Variants in SLC24A4 observed in about 807,000 individuals in gnomAD.
SLC24A4 encodes the protein sodium/potassium/calcium exchanger 4.
A neutral mutation model predicts 79.0 loss-of-function variants in SLC24A4; 53 were observed. The observed-to-expected ratio is 0.67, with a 90% confidence interval of 0.54 to 0.84. The LOEUF is 0.84. Ranked by LOEUF, SLC24A4 falls within the 40% of genes least tolerant of loss-of-function variation. The pLI, the probability that SLC24A4 is intolerant of heterozygous loss-of-function variation, is 0.00. For missense variants in SLC24A4, 731 were observed against 822.0 expected, an observed-to-expected ratio of 0.89 and a Z score of 1.35; for synonymous variants, 323 against 323.8, an observed-to-expected ratio of 1.00 and a Z score of 0.03.
chr14:92,352,763 T>G (rs994029122), intron 2 of SLC24A4, among the ~76,000 whole-genome samples: 1 of 152,134 alleles, frequency 6.6e-6, no homozygotes, highest in African/African-American at 2.4e-5. Context: ...TAGAGCAAGT[T>G]AGAGTTGCAG....
intron 2 of SLC24A4, among the ~76,000 whole-genome samples, chr14:92,395,305 C>T (rs564882267): frequency 1.3e-5 from 2 of 152,186 alleles, no homozygotes; most frequent in South Asian, 2.1e-4. Flanking sequence ...AGCCCCGTTG[C>T]CTGGAGCACT....
At chr14:92,330,920 A>G (rs1353083388) in intron 2 of SLC24A4, among the ~76,000 whole-genome samples, 54 of 152,206 alleles carry the variant, frequency 3.5e-4, no homozygotes, top group Admixed American at 3.5e-3. Context: ...TTCAGTCTGT[A>G]TAAGGAACCA....
At chr14:92,454,895 C>T (rs1893368746) in intron 11 of SLC24A4, among the ~76,000 whole-genome samples, 1 of 144,362 alleles carries the variant, frequency 6.9e-6, no homozygotes, top group Admixed American at 6.8e-5. Flanking sequence ...GAAATTTGAC[C>T]GAATCCAGGC....
intron 2 of SLC24A4, among the ~76,000 whole-genome samples, chr14:92,334,431 CA>C (rs1264435115): frequency 6.6e-6 from 1 of 152,166 alleles, no homozygotes; most frequent in Non-Finnish European, 1.5e-5. Flanking sequence ...ATGCCTGTTT[CA>C]GGGGTGGAGT....
chr14:92,365,170 C>T (rs142098971), intron 2 of SLC24A4, among the ~76,000 whole-genome samples: 2,810 of 152,364 alleles, frequency 0.018, 84 homozygotes, highest in Admixed American at 0.086. Flanking sequence ...GTCTCCAGAG[C>T]GCCCGGAGGG....
intron 2 of SLC24A4, among the ~76,000 whole-genome samples, chr14:92,343,996 C>G (rs915243136): frequency 1.3e-5 from 2 of 152,172 alleles, no homozygotes; most frequent in African/African-American, 4.8e-5. Flanking sequence ...AGCCACCACG[C>G]CCAACCAAGG....
At chr14:92,431,673 C>T (rs887892801) in intron 2 of SLC24A4, among the ~76,000 whole-genome samples, 2 of 152,204 alleles carry the variant, frequency 1.3e-5, no homozygotes, top group African/African-American at 2.4e-5. Context: ...GATTCGTCAC[C>T]GTAGAAGCCA....
intron 2 of SLC24A4, among the ~76,000 whole-genome samples, chr14:92,391,007 C>T (rs1889429129): frequency 6.6e-6 from 1 of 152,274 alleles, no homozygotes; most frequent in East Asian, 1.9e-4. Context: ...GGACATGCAT[C>T]CAATGGATGG....
intron 2 of SLC24A4, among the ~76,000 whole-genome samples, chr14:92,424,360 C>T (rs1566756528): frequency 6.6e-6 from 1 of 152,130 alleles, no homozygotes; most frequent in Non-Finnish European, 1.5e-5. Flanking sequence ...TATAAAGTAA[C>T]ACCTGAGGCT....
chr14:92,327,291 C>T (rs893026717), intron 2 of SLC24A4, among the ~76,000 whole-genome samples: 10 of 152,170 alleles, frequency 6.6e-5, no homozygotes, highest in African/African-American at 2.4e-4. Flanking sequence ...CAGAGAAGTG[C>T]TGGGATTCAC....
chr14:92,376,165 C>T (rs1888488849), intron 2 of SLC24A4, among the ~76,000 whole-genome samples: 1 of 152,170 alleles, frequency 6.6e-6, no homozygotes. Context: ...AGCTCTGGAG[C>T]AAGGCAGACG....
intron 3 of SLC24A4, among the ~76,000 whole-genome samples, chr14:92,438,862 G>A (rs938869905): frequency 6.6e-6 from 1 of 152,156 alleles, no homozygotes; most frequent in African/African-American, 2.4e-5. Flanking sequence ...CTCCCTGGAG[G>A]TTGGGGGCTG....
chr14:92,415,555 T>G (rs971623957), intron 2 of SLC24A4, among the ~76,000 whole-genome samples: 2 of 152,180 alleles, frequency 1.3e-5, no homozygotes, highest in African/African-American at 4.8e-5. Context: ...CCTCCTGTGT[T>G]CAAGTGATTC....
At chr14:92,457,305 CTG>C (rs1893537981) in intron 12 of SLC24A4, 1 of 153,266 alleles carries the variant, frequency 6.5e-6, no homozygotes. Context: ...ATTCCTAGAA[CTG>C]CGCACCTGCC....
chr14:92,444,219 CA>C (rs1892662628), intron 7 of SLC24A4, among the ~76,000 whole-genome samples: 2 of 152,028 alleles, frequency 1.3e-5, no homozygotes, highest in Non-Finnish European at 2.9e-5. Flanking sequence ...AACTATAATA[CA>C]AAGGAGAAAT....
In SLC24A4 at chr14:92,498,882, T is replaced by TC. The variant is rs1348858793; in HGVS notation, c.*5254_*5255insC. 2 of 152,254 alleles carry TC rather than the reference T, an allele frequency of 1.3e-5. No individual in the cohort carries two copies. Among genetic ancestry groups the TC allele is most frequent in the African/African-American group, 4.8e-5 (2 of 41,466 alleles). 9.4% of individuals were successfully genotyped at this position (152,254 alleles called of 1,614,324 possible). On this transcript the variant is annotated 3_prime_UTR_variant, in exon 17 of 17. Transcript: ENST00000532405. ...GGGACACTAGTTTTGTGCTCAGCTT[T>TC]AGGCCGGGTAGCTAATGGGAGGATG...
rs141085487 is a variant in SLC24A4, at chr14:92,444,205, C to T, written c.657+731C>T. ...ATGATTTCAAAAAGGTCAACATATG[C>T]CCTAACTATAATACAAAGGAGAAAT... On this transcript the variant is annotated intron_variant, in intron 7 of 16. Coordinates refer to ENST00000532405, the MANE Select transcript of SLC24A4 (RefSeq NM_153646.4). Among the ~76,000 whole-genome samples, 95 of 152,136 alleles carry T rather than the reference C, an allele frequency of 6.2e-4. No homozygotes were observed. In the East Asian group the frequency reaches 0.017, roughly 27 times the overall value.
intron 2 of SLC24A4, among the ~76,000 whole-genome samples, chr14:92,415,265 C>T (rs1404587767): frequency 2.6e-5 from 4 of 152,144 alleles, no homozygotes; most frequent in Admixed American, 6.5e-5. Flanking sequence ...CGGCCAGGCT[C>T]TCCTAGGAAA....
intron 2 of SLC24A4, among the ~76,000 whole-genome samples, chr14:92,335,701 A>G (rs796694340): frequency 3.9e-5 from 6 of 152,296 alleles, no homozygotes; most frequent in African/African-American, 1.2e-4. Flanking sequence ...GATGTCCCCT[A>G]TCTACCATTA....
Sources: gnomAD v4.1 joint callset for allele counts (sites outside exome capture counted in the v4.1 genomes callset) on GRCh38, gnomAD v4.1.1 for gene constraint, MANE v1.5 for transcripts, NCBI Gene and HGNC (gene_info 2026-07-23, HGNC 2026-07-21) for gene names.